The following KCNJ6 variants were observed in gnomAD, a reference collection of about 807,000 sequenced individuals.
KCNJ6 encodes G protein-activated inward rectifier potassium channel 2.
A neutral mutation model predicts 34.2 loss-of-function variants in KCNJ6; 9 were observed. That is an observed-to-expected ratio of 0.26 (90% CI 0.16 to 0.46). The LOEUF is 0.46. KCNJ6 is among the 20% of genes least tolerant of loss of function. The probability of loss-of-function intolerance (pLI) is 1.00; values close to 1 mark genes in which losing one functional copy is unlikely to be tolerated. For synonymous variants in KCNJ6, 196 were observed against 207.1 expected (o/e 0.95, Z 0.46); for missense variants, 236 against 531.3 (o/e 0.44, Z 5.46).
chr21:37,910,995 T>C (rs2055864447), intron 1 of KCNJ6, among the ~76,000 whole-genome samples: 1 of 152,268 alleles, frequency 6.6e-6, no homozygotes, highest in South Asian at 2.1e-4. Flanking sequence ...TTAGCAGGTA[T>C]GATTAGATCA....
At chr21:37,637,110 T>C (rs970806858) in intron 3 of KCNJ6, among the ~76,000 whole-genome samples, 3 of 152,258 alleles carry the variant, frequency 2.0e-5, no homozygotes, top group African/African-American at 7.2e-5. Flanking sequence ...AATAAAGTGT[T>C]GTGCACTTAG....
intron 1 of KCNJ6, among the ~76,000 whole-genome samples, chr21:37,914,800 G>A (rs1445366084): frequency 6.6e-6 from 1 of 152,100 alleles, no homozygotes; most frequent in Admixed American, 6.5e-5. Flanking sequence ...AGCAGGATGT[G>A]GCATTGCTCC....
chr21:37,799,698 T>C (rs1337090836), intron 2 of KCNJ6, among the ~76,000 whole-genome samples: 1 of 152,222 alleles, frequency 6.6e-6, no homozygotes. Context: ...TCTCGAAATG[T>C]TTGAGGTTTC....
intron 3 of KCNJ6, among the ~76,000 whole-genome samples, chr21:37,651,614 A>C (rs1265562966): frequency 1.3e-5 from 2 of 152,154 alleles, no homozygotes; most frequent in Non-Finnish European, 2.9e-5. Flanking sequence ...CTGGGTTGGA[A>C]ATGGGGACAG....
In KCNJ6 at chr21:37,722,337, A is replaced by G. The variant is rs187875736; in HGVS notation, c.26-7206T>C. On this transcript the variant is annotated intron_variant, in intron 2 of 3. Coordinates refer to ENST00000609713, the MANE Select transcript of KCNJ6 (RefSeq NM_002240.5). ...CATCCCATGCTCATGGACTGGAAGA[A>G]TCAATATCATTAAAACAGCCATATT... Among the ~76,000 whole-genome samples, 5 of 152,374 alleles carry G rather than the reference A, an allele frequency of 3.3e-5. No homozygotes were observed. The East Asian group carries it at 9.6e-4, about 29-fold the overall frequency.
intron 2 of KCNJ6, among the ~76,000 whole-genome samples, chr21:37,818,203 TGTGCGTGC>T (rs1322036242): frequency 1.1e-4 from 8 of 74,860 alleles, no homozygotes; most frequent in Non-Finnish European, 1.9e-4. Context: ...CGTGTGTGTG[TGTGCGTGC>T]GTGTGTGTGT....
intron 2 of KCNJ6, among the ~76,000 whole-genome samples, chr21:37,812,506 A>C (rs765723099): frequency 2.6e-5 from 4 of 152,230 alleles, no homozygotes; most frequent in Non-Finnish European, 4.4e-5. Context: ...ATATTGATGC[A>C]AAAATCCTCA....
intron 3 of KCNJ6, among the ~76,000 whole-genome samples, chr21:37,710,975 G>T (rs989278061): frequency 3.3e-5 from 5 of 152,144 alleles, no homozygotes; most frequent in Admixed American, 1.3e-4. Flanking sequence ...GTTCTTGAAA[G>T]GTCGCCTGGC....
chr21:37,672,090 A>G (rs1296190869), intron 3 of KCNJ6, among the ~76,000 whole-genome samples: 1 of 151,966 alleles, frequency 6.6e-6, no homozygotes, highest in Non-Finnish European at 1.5e-5. Flanking sequence ...GTCTTGACCC[A>G]TTCTCTACCT....
At chr21:37,845,393 G>A (rs1198860767) in intron 1 of KCNJ6, among the ~76,000 whole-genome samples, 10 of 152,092 alleles carry the variant, frequency 6.6e-5, no homozygotes, top group African/African-American at 9.7e-5. Flanking sequence ...AGAGAGTGGC[G>A]GGGAGAGAGA....
intron 2 of KCNJ6, among the ~76,000 whole-genome samples, chr21:37,809,703 G>C (rs1051706299): frequency 3.3e-5 from 5 of 152,178 alleles, no homozygotes; most frequent in African/African-American, 1.2e-4. Flanking sequence ...TTCTCCTCCT[G>C]TGGGGACACA....
rs1201010324 is a variant in KCNJ6, at chr21:37,617,087, CTTTCTTTCT to C, written c.*8063_*8071del. The C allele has an allele frequency of 1.3e-4, 8 of 62,344 alleles. No homozygotes were observed. The highest frequency in any genetic ancestry group is 5.5e-4 in the South Asian group (1 of 1,822). 3.9% of individuals were successfully genotyped at this position (62,344 alleles called of 1,614,324 possible). A position where few individuals can be genotyped will look rare whatever the true frequency, so the allele number is the denominator to read the frequency against. ...CTTTTCTTTTCTTTTCTTTCTTTTT[CTTTCTTTCT>C]TTTCTTTCTTTCTTTCCTTCTTCCT... On this transcript the variant is annotated 3_prime_UTR_variant, in exon 4 of 4. Transcript: ENST00000609713.
intron 2 of KCNJ6, among the ~76,000 whole-genome samples, chr21:37,718,596 C>A (rs967176579): frequency 6.6e-6 from 1 of 150,804 alleles, no homozygotes; most frequent in African/African-American, 2.4e-5. Flanking sequence ...TGCATATTCT[C>A]ATAGGTGGGA....
At chr21:37,861,670 C>G (rs2055595605) in intron 1 of KCNJ6, among the ~76,000 whole-genome samples, 1 of 152,128 alleles carries the variant, frequency 6.6e-6, no homozygotes. Context: ...AGCCTGAGAG[C>G]ATTTCCCACA....
intron 1 of KCNJ6, among the ~76,000 whole-genome samples, chr21:37,901,879 T>C (rs1258788822): frequency 6.6e-6 from 1 of 152,232 alleles, no homozygotes; most frequent in African/African-American, 2.4e-5. Context: ...AATCATTAAA[T>C]TGTTTATTAC....
intron 2 of KCNJ6, among the ~76,000 whole-genome samples, chr21:37,820,286 A>G (rs978064524): frequency 6.6e-6 from 1 of 152,168 alleles, no homozygotes; most frequent in Non-Finnish European, 1.5e-5. Context: ...GGCTACTCCC[A>G]GCTTTTTGCT....
In KCNJ6 at chr21:37,723,620, A is replaced by G. The variant is rs544611430; in HGVS notation, c.26-8489T>C. Among the ~76,000 whole-genome samples the G allele has an allele frequency of 4.6e-5, 7 of 152,356 alleles. No individual in the cohort carries two copies. The East Asian group carries it at 1.3e-3, about 29-fold the overall frequency. On this transcript the variant is annotated intron_variant, in intron 2 of 3. Transcript: ENST00000609713. ...AGAATGAAATCACATCCTTTGCAGC[A>G]TAGTAGGTGGAGGTCATTATCCCAA...
intron 2 of KCNJ6, among the ~76,000 whole-genome samples, chr21:37,754,247 G>A (rs1174233953): frequency 1.3e-5 from 2 of 152,214 alleles, no homozygotes; most frequent in East Asian, 3.9e-4. Flanking sequence ...CCCCAGAAAG[G>A]AGGGCTTCTG....
intron 2 of KCNJ6, among the ~76,000 whole-genome samples, chr21:37,750,351 C>G (rs1056167014): frequency 6.6e-6 from 1 of 152,142 alleles, no homozygotes; most frequent in Non-Finnish European, 1.5e-5. Context: ...ACTAGAAATA[C>G]CATTTGACCC....
Sources: allele counts gnomAD v4.1 joint callset (sites outside exome capture counted in the v4.1 genomes callset), GRCh38; gene constraint gnomAD v4.1.1; transcripts MANE v1.5; gene names NCBI Gene and HGNC (gene_info 2026-07-23, HGNC 2026-07-21).